Variants in DIAPH3 observed in about 807,000 individuals in gnomAD.
DIAPH3 encodes diaphanous related formin 3, also known as protein diaphanous homolog 3.
In DIAPH3, 117 loss-of-function variants were observed where a neutral mutation model predicts 144.3. That is an observed-to-expected ratio of 0.81 (90% CI 0.70 to 0.95). The LOEUF (loss-of-function observed/expected upper bound fraction) is 0.95. DIAPH3 is among the 40% of genes least tolerant of loss of function. DIAPH3 has a pLI of 0.00. For synonymous variants in DIAPH3, 519 were observed against 488.9 expected, an observed-to-expected ratio of 1.06 and a Z score of -0.81; for missense variants, 1,421 against 1,412.7, an observed-to-expected ratio of 1.01 and a Z score of -0.09.
intron 24 of DIAPH3, among the ~76,000 whole-genome samples, chr13:59,824,385 T>C (rs1004495383): frequency 6.6e-6 from 1 of 152,156 alleles, no homozygotes; most frequent in African/African-American, 2.4e-5. Flanking sequence ...GTATCACTAA[T>C]AATCTACAGA....
intron 1 of DIAPH3, among the ~76,000 whole-genome samples, chr13:60,159,514 A>C (rs547809098): frequency 6.6e-6 from 1 of 152,032 alleles, no homozygotes; most frequent in Non-Finnish European, 1.5e-5. Flanking sequence ...AATCCCAGTT[A>C]CTAGAAGGCT....
intron 1 of DIAPH3, among the ~76,000 whole-genome samples, chr13:60,135,846 T>G (rs1010898846): frequency 2.6e-5 from 4 of 152,212 alleles, no homozygotes; most frequent in African/African-American, 9.6e-5. Context: ...TAATTTCCCT[T>G]AAAAACTGGA....
At chr13:59,905,650 T>C (rs2046695508) in intron 20 of DIAPH3, among the ~76,000 whole-genome samples, 1 of 152,184 alleles carries the variant, frequency 6.6e-6, no homozygotes, top group African/African-American at 2.4e-5. Context: ...GCAGATGTCA[T>C]TAAGGATCTT....
intron 8 of DIAPH3, among the ~76,000 whole-genome samples, chr13:60,009,286 G>A (rs1405138343): frequency 1.3e-5 from 2 of 152,136 alleles, no homozygotes; most frequent in African/African-American, 4.8e-5. Flanking sequence ...CACAGTTCGT[G>A]GACATGGGCA....
intron 24 of DIAPH3, among the ~76,000 whole-genome samples, chr13:59,822,176 T>C (rs1399462593): frequency 6.6e-6 from 1 of 152,168 alleles, no homozygotes; most frequent in Admixed American, 6.6e-5. Flanking sequence ...AATAAAGTTT[T>C]TCCCAAAGTA....
rs1593767210 is a variant in DIAPH3, at chr13:59,871,405, A to G, written c.2607+7824T>C. Among the ~76,000 whole-genome samples, 3 of 152,172 alleles carry G rather than the reference A, an allele frequency of 2.0e-5. No individual in the cohort carries two copies. The South Asian group carries it at 6.2e-4, about 32-fold the overall frequency. On this transcript the variant is annotated intron_variant, in intron 21 of 27. Transcript: ENST00000400324. ...GGGAAAAAGCATCTTGTTCCTTACC[A>G]TTAAGTATGATGCTAGCTGTCGATT... is the stretch of plus-strand genomic sequence containing the variant.
intron 2 of DIAPH3, among the ~76,000 whole-genome samples, chr13:60,132,486 C>G (rs1002712423): frequency 1.3e-5 from 2 of 152,118 alleles, no homozygotes. Flanking sequence ...TAAAGTGTTA[C>G]TATGAGAAGC....
chr13:59,977,490 A>G (rs2050743615), intron 14 of DIAPH3, among the ~76,000 whole-genome samples: 1 of 151,892 alleles, frequency 6.6e-6, no homozygotes, highest in African/African-American at 2.4e-5. Flanking sequence ...ATTATTAGGT[A>G]TGTATAATAA....
chr13:59,910,737 TAAAAA>T (rs761070763), intron 20 of DIAPH3, among the ~76,000 whole-genome samples: 7 of 119,852 alleles, frequency 5.8e-5, no homozygotes, highest in African/African-American at 2.2e-4. Context: ...CTCAAGTATT[TAAAAA>T]AAAAAAAAAA....
chr13:59,935,522 G>A (rs2048221063), intron 17 of DIAPH3, among the ~76,000 whole-genome samples: 1 of 152,142 alleles, frequency 6.6e-6, no homozygotes, highest in Non-Finnish European at 1.5e-5. Context: ...GAAGGTTTAG[G>A]TAGCTCAAAA....
rs2047203765 is a variant in DIAPH3 at position 59,916,092 on chromosome 13, A to C, written c.2265+63T>G. 3.5e-6 allele frequency: 5 copies of C among 1,429,832 alleles called. No homozygotes were observed. In the East Asian group the frequency reaches 1.1e-4, roughly 33 times the overall value. 88.6% of individuals were successfully genotyped at this position (1,429,832 alleles called of 1,614,324 possible). On this transcript the variant is annotated intron_variant, in intron 19 of 27. Coordinates refer to ENST00000400324, the MANE Select transcript of DIAPH3 (RefSeq NM_001042517.2). ...GTGAAGAATTTTGCTTCACTTACAG[A>C]TTTCTATTTAATGAGAAGCTTGCAA...
At chr13:60,101,045 T>A (rs747068941) in intron 3 of DIAPH3, among the ~76,000 whole-genome samples, 36 of 152,158 alleles carry the variant, frequency 2.4e-4, no homozygotes, top group Admixed American at 3.9e-4. Context: ...TCTCACCCAT[T>A]CTCCCAGAAC....
chr13:59,867,737 A>G (rs2044014246), intron 21 of DIAPH3, among the ~76,000 whole-genome samples: 1 of 152,106 alleles, frequency 6.6e-6, no homozygotes, highest in South Asian at 2.1e-4. Flanking sequence ...TGTTCTGTTC[A>G]TACTGCCCCC....
intron 5 of DIAPH3, among the ~76,000 whole-genome samples, chr13:60,020,519 C>T (rs534614274): frequency 1.0e-3 from 153 of 152,148 alleles, no homozygotes; most frequent in Non-Finnish European, 9.6e-4. Flanking sequence ...AAGCATGTGT[C>T]ACCACATTCA....
chr13:60,124,773 T>C (rs1379982366), intron 2 of DIAPH3, among the ~76,000 whole-genome samples: 1 of 151,796 alleles, frequency 6.6e-6, no homozygotes, highest in African/African-American at 2.4e-5. Flanking sequence ...GCCCAGGAGG[T>C]TGGGGCTACA....
chr13:60,001,310 C>G lies in DIAPH3; in HGVS notation c.1014+7234G>C, dbSNP rs1594287891. On this transcript the variant is annotated intron_variant, in intron 9 of 27. Coordinates refer to ENST00000400324, the MANE Select transcript of DIAPH3 (RefSeq NM_001042517.2). ...TACTAAGAGGTCAATCAGAATAGAT[C>G]CAGCTCCTGCATCTCCCATGCAAAA... 1.3e-5 allele frequency among the ~76,000 whole-genome samples: 2 copies of G among 152,246 alleles called. 1 individual carries two copies. Among genetic ancestry groups the G allele is most frequent in the South Asian group, 4.1e-4 (2 of 4,830 alleles).
intron 17 of DIAPH3, among the ~76,000 whole-genome samples, chr13:59,948,565 C>A (rs1374291538): frequency 6.6e-6 from 1 of 152,152 alleles, no homozygotes; most frequent in African/African-American, 2.4e-5. Context: ...GATCTTCCTG[C>A]CTTGGCCTCC....
intron 27 of DIAPH3, among the ~76,000 whole-genome samples, chr13:59,764,617 G>T (rs775884163): frequency 2.7e-5 from 4 of 149,314 alleles, no homozygotes; most frequent in Admixed American, 6.8e-5. Context: ...CTCATCCAAT[G>T]ACTGATGTCC....
intron 20 of DIAPH3, among the ~76,000 whole-genome samples, chr13:59,895,751 C>T (rs1380569424): frequency 6.6e-6 from 1 of 152,058 alleles, no homozygotes; most frequent in Non-Finnish European, 1.5e-5. Flanking sequence ...AAGCTGAGGA[C>T]AGAAAATGGA....
Sources: allele counts gnomAD v4.1 joint callset (sites outside exome capture counted in the v4.1 genomes callset), GRCh38; gene constraint gnomAD v4.1.1; transcripts MANE v1.5; gene names NCBI Gene and HGNC (gene_info 2026-07-23, HGNC 2026-07-21).